The following PCDHGB6 variants were observed in gnomAD, a reference collection of about 807,000 sequenced individuals.
PCDHGB6 encodes protocadherin gamma-B6.
In PCDHGB6, 51 loss-of-function variants were observed where a neutral mutation model predicts 59.1. The observed-to-expected ratio is 0.86, with a 90% CI of 0.69 to 1.09. The LOEUF is 1.09. Ranked by LOEUF, PCDHGB6 falls within the 50% of genes least tolerant of loss-of-function variation. The pLI is 0.00. For synonymous variants in PCDHGB6, 466 were observed against 495.1 expected (o/e 0.94, Z 0.78); for missense variants, 1,148 against 1,205.1 (o/e 0.95, Z 0.70).
rs759647406 is a variant in PCDHGB6 at position 141,493,849 on chromosome 5, A to G, written c.2419-958A>G. Among the ~76,000 whole-genome samples the G allele has an allele frequency of 6.6e-6, 1 of 152,178 alleles. No individual in the cohort carries two copies. The highest frequency in any genetic ancestry group is 1.5e-5 in the Non-Finnish European group (1 of 68,028). ...CTGGGAGCAAGTATGAGTATTAATT[A>G]CCAGCCCACCCCAGAACCAGTGAGG... On this transcript the variant is annotated intron_variant, in intron 1 of 3. Coordinates refer to ENST00000520790, the MANE Select transcript of PCDHGB6 (RefSeq NM_018926.3). The surrounding 1 kb of genome is among the most constrained non-coding windows in gnomAD (Gnocchi z 4.3).
intron 1 of PCDHGB6, among the ~76,000 whole-genome samples, chr5:141,454,617 G>T (rs2098794218): frequency 6.6e-6 from 1 of 151,322 alleles, no homozygotes; most frequent in Non-Finnish European, 1.5e-5. Context: ...TGTTGGTCAG[G>T]CTGGTCTCGA....
chr5:141,486,211 T>C lies in PCDHGB6; in HGVS notation c.2419-8596T>C, dbSNP rs779905477. On this transcript the variant is annotated intron_variant, in intron 1 of 3. Coordinates refer to ENST00000520790, the MANE Select transcript of PCDHGB6 (RefSeq NM_018926.3). The surrounding 1 kb of genome is among the most constrained non-coding windows in gnomAD (Gnocchi z 5.0). ...TGGATCTGCTGGACGTAAATGACAA[T>C]GCCCCTTACATCACAGTGACCTCAG... 6.2e-7 allele frequency: 1 copy of C among 1,614,142 alleles called. No homozygotes were observed. Among genetic ancestry groups the C allele is most frequent in the Non-Finnish European group, 8.5e-7 (1 of 1,180,024 alleles).
At chr5:141,503,745 G>A (rs1377110427) in intron 2 of PCDHGB6, among the ~76,000 whole-genome samples, 3 of 152,220 alleles carry the variant, frequency 2.0e-5, no homozygotes, top group South Asian at 2.1e-4. Flanking sequence ...ATGGTATAGA[G>A]GTCACACATG....
At chr5:141,508,193 C>T (rs1426786164) in intron 3 of PCDHGB6, 1 of 152,326 alleles carries the variant, frequency 6.6e-6, no homozygotes, top group Non-Finnish European at 1.5e-5. Flanking sequence ...ATCACCCCCA[C>T]CTCGTCCAGG....
At chr5:141,454,557 C>T (rs191373514) in intron 1 of PCDHGB6, among the ~76,000 whole-genome samples, 8 of 152,160 alleles carry the variant, frequency 5.3e-5, no homozygotes, top group Admixed American at 5.2e-4. Flanking sequence ...CAGGCATGTG[C>T]CACCACGCCC....
rs1452697214 is a variant in PCDHGB6 at position 141,476,552 on chromosome 5, G to T, written c.2419-18255G>T. ...CCAGGAAATGAAATTGGAGATTAGC[G>T]AGGCCGTGGCTCCGGGGACGCGCTT... On this transcript the variant is annotated intron_variant, in intron 1 of 3. Transcript: ENST00000520790. The surrounding 1 kb of genome is among the most constrained non-coding windows in gnomAD (Gnocchi z 7.6). 6.2e-7 allele frequency: 1 copy of T among 1,614,210 alleles called. No individual in the cohort carries two copies. The highest frequency in any genetic ancestry group is 2.2e-5 in the East Asian group (1 of 44,872).
chr5:141,486,714 C>G lies in PCDHGB6; in HGVS notation c.2419-8093C>G. On this transcript the variant is annotated intron_variant, in intron 1 of 3. Transcript: ENST00000520790. This position sits in a 1 kb window ranked among gnomAD's most constrained non-coding sequence, Gnocchi z 5.0. ...TCTTTCATCTCTCTGAACCCCCAGA[C>G]AGGAGCTGTTCATGCTACTCGATCC... 1.2e-6 allele frequency: 2 copies of G among 1,614,216 alleles called. No individual in the cohort carries two copies. Among genetic ancestry groups the G allele is most frequent in the African/African-American group, 1.3e-5 (1 of 75,062 alleles).
At chr5:141,422,090 A>T (rs762413085) in intron 1 of PCDHGB6, 1 of 1,611,852 alleles carries the variant, frequency 6.2e-7, no homozygotes, top group East Asian at 2.2e-5. Context: ...ATGGAAAGCA[A>T]GGCTTCTGAA....
rs780383828 is a variant in PCDHGB6, at chr5:141,422,708, A to G, written c.2418+12088A>G. ...GCCCTGGTCACTTACTCTCTGACGGATGACACTGTCCAGGGGGTGCCTCTG... is the reference window on the plus strand; with the variant it reads ...GCCCTGGTCACTTACTCTCTGACGGGTGACACTGTCCAGGGGGTGCCTCTG... On this transcript the variant is annotated intron_variant, in intron 1 of 3. Transcript: ENST00000520790. 28 of 1,603,464 alleles carry G rather than the reference A, an allele frequency of 1.7e-5. No individual in the cohort carries two copies. The East Asian group carries it at 3.8e-4, about 22-fold the overall frequency.
In PCDHGB6 at chr5:141,426,967, T is replaced by C. The variant is rs151241654; in HGVS notation, c.2418+16347T>C. 124 of 456,702 alleles carry C rather than the reference T, an allele frequency of 2.7e-4. 1 individual carries two copies. The highest frequency in any genetic ancestry group is 2.1e-3 in the African/African-American group (103 of 50,178). 28.3% of individuals were successfully genotyped at this position (456,702 alleles called of 1,614,324 possible). A position where few individuals can be genotyped will look rare whatever the true frequency, so the allele number is the denominator to read the frequency against. On this transcript the variant is annotated intron_variant, in intron 1 of 3. Coordinates refer to ENST00000520790, the MANE Select transcript of PCDHGB6 (RefSeq NM_018926.3). ...CCAACTGGCACTGCTGCAATTCAAA[T>C]TGAGGTCACTGATGCCAACGATAAT... is the stretch of plus-strand genomic sequence containing the variant.
chr5:141,472,308 G>A (rs897967832), intron 1 of PCDHGB6, among the ~76,000 whole-genome samples: 6 of 152,074 alleles, frequency 3.9e-5, no homozygotes, highest in South Asian at 4.1e-4. Context: ...TTGGGAAGCC[G>A]AGGCAGGCAG....
Position 141,412,876 on chromosome 5 carries a change from A to G in PCDHGB6, c.2418+2256A>G, listed in dbSNP as rs1206092699. 12 of 281,096 alleles carry G rather than the reference A, an allele frequency of 4.3e-5. No homozygotes were observed. The East Asian group carries it at 7.9e-4, about 19-fold the overall frequency. The allele number at this position is 281,096 out of a possible 1,614,324, so 17.4% of individuals were successfully genotyped here. A position where few individuals can be genotyped will look rare whatever the true frequency, so the allele number is the denominator to read the frequency against. On this transcript the variant is annotated intron_variant, in intron 1 of 3. Coordinates refer to ENST00000520790, the MANE Select transcript of PCDHGB6 (RefSeq NM_018926.3). ...CAAAGAATCTATGTAAAATATAATAATCCAACAGAATAGTTTACTTTCCAT... is the reference window on the plus strand; with the variant it reads ...CAAAGAATCTATGTAAAATATAATAGTCCAACAGAATAGTTTACTTTCCAT...
chr5:141,477,220 G>A lies in PCDHGB6; in HGVS notation c.2419-17587G>A. 24 of 1,614,190 alleles carry A rather than the reference G, an allele frequency of 1.5e-5. No individual in the cohort carries two copies. The highest frequency in any genetic ancestry group is 1.9e-5 in the Non-Finnish European group (23 of 1,180,040). ...CAGTACCCGAGGATGCCCCTCTGGG[G>A]ACTGTCATCGCTTTGCTCAGTGTGA... is the stretch of plus-strand genomic sequence containing the variant. On this transcript the variant is annotated intron_variant, in intron 1 of 3. Coordinates refer to ENST00000520790, the MANE Select transcript of PCDHGB6 (RefSeq NM_018926.3). The surrounding 1 kb of genome is among the most constrained non-coding windows in gnomAD (Gnocchi z 4.9).
rs1012790217 is a variant in PCDHGB6 at position 141,432,087 on chromosome 5, C to T, written c.2418+21467C>T. On this transcript the variant is annotated intron_variant, in intron 1 of 3. Coordinates refer to ENST00000520790, the MANE Select transcript of PCDHGB6 (RefSeq NM_018926.3). This position sits in a 1 kb window ranked among gnomAD's most constrained non-coding sequence, Gnocchi z 6.0. ...GAAACTCATATCTCGCTGAACGTGG[C>T]AGACACCAACGACAACCCGCCGGTC... is the stretch of plus-strand genomic sequence containing the variant. The T allele has an allele frequency of 2.5e-6, 4 of 1,614,060 alleles. No homozygotes were observed. The African/African-American group carries it at 4.0e-5, about 16-fold the overall frequency.
At chr5:141,496,693 C>T (rs2099770546) in intron 2 of PCDHGB6, among the ~76,000 whole-genome samples, 1 of 152,164 alleles carries the variant, frequency 6.6e-6, no homozygotes, top group South Asian at 2.1e-4. Context: ...CCTTGCCAAC[C>T]TTCTCATAAG....
At chr5:141,488,268 C>T (rs1371050827) in intron 1 of PCDHGB6, among the ~76,000 whole-genome samples, 1 of 152,170 alleles carries the variant, frequency 6.6e-6, no homozygotes, top group East Asian at 1.9e-4. Context: ...GCGGGTTGGT[C>T]ATCACCTTTG....
At chr5:141,482,840 G>A (rs1343123459) in intron 1 of PCDHGB6, among the ~76,000 whole-genome samples, 2 of 152,212 alleles carry the variant, frequency 1.3e-5, no homozygotes, top group Admixed American at 6.5e-5. Context: ...GGGAGGCCAA[G>A]GTGGGCAGAT....
chr5:141,446,797 A>G lies in PCDHGB6; in HGVS notation c.2418+36177A>G, dbSNP rs559881142. ...CCATTCTTTTACTCTGAGTTCTTCC[A>G]TTGTGATCATCTAGTCAGATGGGTA... is the stretch of plus-strand genomic sequence containing the variant. On this transcript the variant is annotated intron_variant, in intron 1 of 3. Coordinates refer to ENST00000520790, the MANE Select transcript of PCDHGB6 (RefSeq NM_018926.3). Among the ~76,000 whole-genome samples, 48 of 152,224 alleles carry G rather than the reference A, an allele frequency of 3.2e-4. No individual in the cohort carries two copies. In the South Asian group the frequency reaches 7.3e-3, roughly 23 times the overall value.
chr5:141,431,699 T>C lies in PCDHGB6; in HGVS notation c.2418+21079T>C. ...GGAGTTGGACCACGAGGAGTCAGGA[T>C]TCTACCAGATGGAAGTGCAAGCAAT... is the stretch of plus-strand genomic sequence containing the variant. On this transcript the variant is annotated intron_variant, in intron 1 of 3. Coordinates refer to ENST00000520790, the MANE Select transcript of PCDHGB6 (RefSeq NM_018926.3). The surrounding 1 kb of genome is among the most constrained non-coding windows in gnomAD (Gnocchi z 4.8). 6.2e-7 allele frequency: 1 copy of C among 1,614,222 alleles called. No individual in the cohort carries two copies. Among genetic ancestry groups the C allele is most frequent in the South Asian group, 1.1e-5 (1 of 91,074 alleles).
Sources: allele counts gnomAD v4.1 joint callset (sites outside exome capture counted in the v4.1 genomes callset), GRCh38; gene constraint gnomAD v4.1.1; non-coding constraint Gnocchi (gnomAD v3.1); transcripts MANE v1.5; gene names NCBI Gene and HGNC (gene_info 2026-07-23, HGNC 2026-07-21).